Variants in PKHD1 observed in about 807,000 individuals in gnomAD.
The protein encoded by PKHD1 is fibrocystin.
Under a neutral mutation model 412.0 loss-of-function variants are expected in PKHD1, and 291 were observed. That is an observed-to-expected ratio of 0.71 (90% confidence interval 0.64 to 0.78). PKHD1 has a LOEUF of 0.78. Ranked by LOEUF, PKHD1 falls within the 30% of genes least tolerant of loss-of-function variation. PKHD1 has a pLI of 0.00. For missense variants in PKHD1, 4,825 were observed against 4,950.7 expected, an observed-to-expected ratio of 0.97 and a Z score of 0.76; for synonymous variants, 1,777 against 1,821.5, an observed-to-expected ratio of 0.98 and a Z score of 0.62.
chr6:51,955,335 A>G (rs923853772), intron 36 of PKHD1, among the ~76,000 whole-genome samples: 1 of 152,206 alleles, frequency 6.6e-6, no homozygotes, highest in Middle Eastern at 3.4e-3. Flanking sequence ...TCACAAAAGA[A>G]TCTGCTACTT....
At position 51,895,714 on chromosome 6, in the gene PKHD1, G is replaced by A. The variant is rs555858465; in HGVS notation, c.6996+7883C>T. On this transcript the variant is annotated intron_variant, in intron 43 of 66. Transcript: ENST00000371117. ...CCGGTCTACAGCTCCCAGTGTGAGC[G>A]ACACAGAAGACAGGCGATTTCTGCA... is the stretch of plus-strand genomic sequence containing the variant. 3.2e-3 allele frequency among the ~76,000 whole-genome samples: 486 copies of A among 152,236 alleles called. 3 individuals carry two copies. The highest frequency in any genetic ancestry group is 8.3e-3 in the African/African-American group (344 of 41,550).
intron 37 of PKHD1, among the ~76,000 whole-genome samples, chr6:51,914,001 A>G (rs186739097): frequency 4.0e-4 from 61 of 152,190 alleles, no homozygotes; most frequent in Admixed American, 4.0e-3. Flanking sequence ...GTATATGCAT[A>G]TATATGTGAA....
chr6:52,082,476 T>C lies in PKHD1; in HGVS notation c.197A>G (p.Asn66Ser). The C allele has an allele frequency of 6.2e-7, 1 of 1,614,066 alleles. No homozygotes were observed. Among genetic ancestry groups the C allele is most frequent in the Non-Finnish European group, 8.5e-7 (1 of 1,179,946 alleles). Residue 66 changes from asparagine to serine, a missense_variant, in exon 4 of 67, where the codon AAC (asparagine) becomes AGC (serine). Asn to Ser is a conservative substitution (Grantham distance 46). Coordinates refer to ENST00000371117, the MANE Select transcript of PKHD1 (RefSeq NM_138694.4). ...SQLEIHLVNV[N>S]MVVPALRSVP... ...ACTCCGCAGTGCGGGCACCACCATG[T>C]TCACGTTCACCAGGTGTATCTCCAA...
At chr6:51,981,568 C>G (rs1487157161) in intron 35 of PKHD1, among the ~76,000 whole-genome samples, 1 of 149,498 alleles carries the variant, frequency 6.7e-6, no homozygotes, top group East Asian at 2.0e-4. Flanking sequence ...ATCCGCCAGC[C>G]TCGGCCTCCC....
At chr6:52,041,266 C>A (rs1057308830) in intron 27 of PKHD1, among the ~76,000 whole-genome samples, 1 of 152,194 alleles carries the variant, frequency 6.6e-6, no homozygotes, top group African/African-American at 2.4e-5. Flanking sequence ...TCTTTAAATA[C>A]CCCAGAGCAT....
intron 52 of PKHD1, among the ~76,000 whole-genome samples, chr6:51,800,322 T>G (rs1762713122): frequency 6.6e-6 from 1 of 152,132 alleles, no homozygotes; most frequent in South Asian, 2.1e-4. Context: ...GCTTTAAAAA[T>G]AATATCTGGA....
intron 52 of PKHD1, among the ~76,000 whole-genome samples, chr6:51,820,367 G>A (rs1412748809): frequency 6.6e-6 from 1 of 152,188 alleles, no homozygotes; most frequent in East Asian, 1.9e-4. Flanking sequence ...GAAGCTCTAT[G>A]TCCCTATAGA....
At chr6:51,902,497 A>G (rs1456266991) in intron 43 of PKHD1, among the ~76,000 whole-genome samples, 1 of 152,138 alleles carries the variant, frequency 6.6e-6, no homozygotes, top group African/African-American at 2.4e-5. Flanking sequence ...CTTGGAACAA[A>G]CATAATTAAG....
intron 35 of PKHD1, among the ~76,000 whole-genome samples, chr6:51,996,660 A>G (rs1176283585): frequency 2.6e-5 from 4 of 152,218 alleles, no homozygotes; most frequent in Non-Finnish European, 5.9e-5. Context: ...AGACTTACCA[A>G]ACTGTTTCCT....
At chr6:51,778,100 G>C (rs182882739) in intron 53 of PKHD1, among the ~76,000 whole-genome samples, 69 of 132,122 alleles carry the variant, frequency 5.2e-4, no homozygotes, top group Non-Finnish European at 9.2e-4. Flanking sequence ...TTTAAAGGCT[G>C]AGATCCTCAT....
At chr6:51,768,124 A>T (rs186617252) in intron 55 of PKHD1, among the ~76,000 whole-genome samples, 1 of 151,118 alleles carries the variant, frequency 6.6e-6, no homozygotes, top group Non-Finnish European at 1.5e-5. Context: ...TCTTTTGAGA[A>T]GTGTCAGTTC....
At chr6:51,940,659 A>T (rs1393778533) in intron 36 of PKHD1, among the ~76,000 whole-genome samples, 1 of 151,692 alleles carries the variant, frequency 6.6e-6, no homozygotes, top group Non-Finnish European at 1.5e-5. Flanking sequence ...CTGAAGACTG[A>T]TACTGCCCGA....
In PKHD1 at chr6:52,033,015, T is replaced by G; in HGVS notation, c.3364+15A>C. On this transcript the variant is annotated intron_variant, in intron 29 of 66. Transcript: ENST00000371117. ...CTCTAAGAAGAAAAAGATCTTGCAG[T>G]ATCACATATTTTACCTGCTATATTG... 6.2e-7 allele frequency: 1 copy of G among 1,603,482 alleles called. No individual in the cohort carries two copies. The highest frequency in any genetic ancestry group is 8.5e-7 in the Non-Finnish European group (1 of 1,170,708).
chr6:52,049,667 T>C (rs1474063643), intron 22 of PKHD1, among the ~76,000 whole-genome samples: 1 of 152,190 alleles, frequency 6.6e-6, no homozygotes, highest in Non-Finnish European at 1.5e-5. Context: ...AAGCAATGCT[T>C]ATGGGGCTTT....
chr6:51,988,577 T>C (rs935252664), intron 35 of PKHD1, among the ~76,000 whole-genome samples: 1 of 152,220 alleles, frequency 6.6e-6, no homozygotes, highest in Admixed American at 6.5e-5. Context: ...TATGCGAGCC[T>C]TTTGGCCACA....
chr6:51,925,197 A>G (rs569822599), intron 37 of PKHD1, among the ~76,000 whole-genome samples: 3 of 152,360 alleles, frequency 2.0e-5, no homozygotes, highest in Non-Finnish European at 4.4e-5. Flanking sequence ...AAAGATCCTC[A>G]CAACCTAGCA....
intron 39 of PKHD1, among the ~76,000 whole-genome samples, chr6:51,910,839 G>C (rs532862512): frequency 6.6e-6 from 1 of 152,078 alleles, no homozygotes; most frequent in African/African-American, 2.4e-5. Flanking sequence ...AGGGAGGTGA[G>C]GCCAAACTGC....
At chr6:51,718,774 A>G (rs1781563785) in intron 60 of PKHD1, among the ~76,000 whole-genome samples, 3 of 152,216 alleles carry the variant, frequency 2.0e-5, no homozygotes, top group Admixed American at 6.5e-5. Context: ...AAGCATGGAA[A>G]TGACATTTAA....
intron 63 of PKHD1, among the ~76,000 whole-genome samples, chr6:51,642,560 C>A (rs887692817): frequency 6.6e-6 from 1 of 152,112 alleles, no homozygotes; most frequent in African/African-American, 2.4e-5. Flanking sequence ...AAGGGATGGG[C>A]TGGGCACGGT....
Sources: allele counts gnomAD v4.1 joint callset (sites outside exome capture counted in the v4.1 genomes callset), GRCh38; gene constraint gnomAD v4.1.1; transcripts MANE v1.5; gene names NCBI Gene and HGNC (gene_info 2026-07-23, HGNC 2026-07-21).